Variants in BNC2 observed in about 807,000 individuals in gnomAD.
BNC2 encodes basonuclin zinc finger protein 2.
Under a neutral mutation model 76.3 loss-of-function variants are expected in BNC2, and 20 were observed. The ratio of observed to expected loss-of-function variants is 0.26; its 90% CI spans 0.18 to 0.38. The LOEUF (loss-of-function observed/expected upper bound fraction) is 0.38, where lower values mean the gene tolerates loss of function less well. Among genes scored for constraint, BNC2 ranks in the 10% least tolerant of loss-of-function variants. The pLI, the probability that BNC2 is intolerant of heterozygous loss-of-function variation, is 1.00. For synonymous variants in BNC2, 582 were observed against 514.8 expected (o/e 1.13, Z -1.77); for missense variants, 1,382 against 1,399.8 (o/e 0.99, Z 0.20).
At chr9:16,640,418 CAT>C (rs1474446510) in intron 3 of BNC2, among the ~76,000 whole-genome samples, 1 of 152,182 alleles carries the variant, frequency 6.6e-6, no homozygotes, top group African/African-American at 2.4e-5. Flanking sequence ...TAACAAAACA[CAT>C]GAGGGATAAA....
At chr9:16,636,864 G>T (rs1163519750) in intron 3 of BNC2, among the ~76,000 whole-genome samples, 1 of 152,052 alleles carries the variant, frequency 6.6e-6, no homozygotes, top group East Asian at 1.9e-4. Flanking sequence ...TAAACTAGAA[G>T]AGTGTTCATG....
chr9:16,722,765 A>G (rs141004524), intron 3 of BNC2, among the ~76,000 whole-genome samples: 2 of 152,338 alleles, frequency 1.3e-5, no homozygotes, highest in East Asian at 3.9e-4. Flanking sequence ...TACTTGCGTT[A>G]ACGTTTACAT....
chr9:16,813,455 C>T (rs1352366217), intron 1 of BNC2, among the ~76,000 whole-genome samples: 5 of 151,924 alleles, frequency 3.3e-5, no homozygotes, highest in African/African-American at 7.2e-5. Context: ...TTAGTAGAGA[C>T]GGGGTTTCAC....
chr9:16,434,047 G>A (rs1420179716), intron 6 of BNC2, among the ~76,000 whole-genome samples: 2 of 152,010 alleles, frequency 1.3e-5, no homozygotes, highest in Non-Finnish European at 2.9e-5. Context: ...TGATAACTTG[G>A]AACTGAAATA....
chr9:16,667,796 C>G lies in BNC2; in HGVS notation c.330+60001G>C, dbSNP rs184135523. Among the ~76,000 whole-genome samples, 494 of 152,144 alleles carry G rather than the reference C, an allele frequency of 3.2e-3. 2 individuals are homozygous for G. Among genetic ancestry groups the G allele is most frequent in the African/African-American group, 0.011 (469 of 41,498 alleles). ...TATGTATGGGGCACTATGCTGGATACAAGGATATACAAAGATCAACACAAC... is the reference window on the plus strand; with the variant it reads ...TATGTATGGGGCACTATGCTGGATAGAAGGATATACAAAGATCAACACAAC... On this transcript the variant is annotated intron_variant, in intron 3 of 6. Coordinates refer to ENST00000380672, the MANE Select transcript of BNC2 (RefSeq NM_017637.6).
chr9:16,564,393 T>G (rs1819108881), intron 4 of BNC2, among the ~76,000 whole-genome samples: 1 of 152,164 alleles, frequency 6.6e-6, no homozygotes, highest in Admixed American at 6.5e-5. Flanking sequence ...AAACAGATGC[T>G]TGTAGTAAAG....
chr9:16,564,013 G>GTTC (rs2132719116), intron 4 of BNC2, among the ~76,000 whole-genome samples: 1 of 149,794 alleles, frequency 6.7e-6, no homozygotes, highest in African/African-American at 2.5e-5. Flanking sequence ...CATGCATGTT[G>GTTC]AGTGATAAAA....
intron 5 of BNC2, 22 bp downstream of exon 5, chr9:16,552,508 G>A (rs375695661): frequency 5.2e-5 from 84 of 1,606,642 alleles, no homozygotes; most frequent in South Asian, 2.2e-4. Flanking sequence ...GGACACGGGC[G>A]GCGTTCAAGT....
intron 5 of BNC2, among the ~76,000 whole-genome samples, chr9:16,451,442 A>C (rs1244627432): frequency 6.6e-6 from 1 of 152,144 alleles, no homozygotes; most frequent in African/African-American, 2.4e-5. Flanking sequence ...CAAACCTTTC[A>C]TGGCTCCCTA....
rs953365276 is a variant in BNC2, at chr9:16,417,703, T to A, written c.*1286A>T. On this transcript the variant is annotated 3_prime_UTR_variant, in exon 7 of 7. Transcript: ENST00000380672. ...CTTGGAAATGAGTGTTCGACTCTTTTACTGTATTCATCTTTGTTCCGTAGC... is the reference window on the plus strand; with the variant it reads ...CTTGGAAATGAGTGTTCGACTCTTTAACTGTATTCATCTTTGTTCCGTAGC... 6.6e-6 allele frequency: 1 copy of A among 152,670 alleles called. No individual in the cohort carries two copies. The highest frequency in any genetic ancestry group is 2.4e-5 in the African/African-American group (1 of 41,460). The allele number at this position is 152,670 out of a possible 1,614,324, so 9.5% of individuals were successfully genotyped here. A position where few individuals can be genotyped will look rare whatever the true frequency, so the allele number is the denominator to read the frequency against.
At chr9:16,503,221 C>T (rs370595594) in intron 5 of BNC2, among the ~76,000 whole-genome samples, 29 of 152,250 alleles carry the variant, frequency 1.9e-4, no homozygotes, top group African/African-American at 5.8e-4. Context: ...TGTCCCAAAA[C>T]GTTACAACAA....
chr9:16,419,773 T>C, intron 6 of BNC2, 124 bp from the exon 7 acceptor site: 1 of 693,594 alleles, frequency 1.4e-6, no homozygotes, highest in Non-Finnish European at 2.6e-6. Flanking sequence ...CACTTCTAAT[T>C]ACACCATTAT....
At chr9:16,741,742 G>A (rs901046695) in intron 1 of BNC2, among the ~76,000 whole-genome samples, 1 of 152,086 alleles carries the variant, frequency 6.6e-6, no homozygotes, top group Non-Finnish European at 1.5e-5. Context: ...TGGATCACCT[G>A]AGGTCAGGAG....
intron 5 of BNC2, among the ~76,000 whole-genome samples, chr9:16,460,524 G>A (rs1284753886): frequency 1.3e-5 from 2 of 152,068 alleles, no homozygotes; most frequent in East Asian, 3.9e-4. Context: ...TCAGGGGGTG[G>A]AGACACAAGA....
intron 5 of BNC2, among the ~76,000 whole-genome samples, chr9:16,517,037 G>A (rs1817463421): frequency 6.6e-6 from 1 of 152,184 alleles, no homozygotes; most frequent in African/African-American, 2.4e-5. Flanking sequence ...TCCAGACGAA[G>A]CCAAAAAGTT....
intron 5 of BNC2, among the ~76,000 whole-genome samples, chr9:16,448,541 C>T (rs964678793): frequency 2.0e-5 from 3 of 152,054 alleles, no homozygotes; most frequent in Non-Finnish European, 4.4e-5. Flanking sequence ...ACAAATGAAG[C>T]TGATTGAACA....
At chr9:16,730,698 C>G (rs1205402970) in intron 2 of BNC2, among the ~76,000 whole-genome samples, 1 of 151,950 alleles carries the variant, frequency 6.6e-6, no homozygotes, top group African/African-American at 2.4e-5. Flanking sequence ...CTGAGGTGGC[C>G]CTGGCTGAAA....
intron 3 of BNC2, among the ~76,000 whole-genome samples, chr9:16,664,269 G>A (rs1822200839): frequency 6.6e-6 from 1 of 152,130 alleles, no homozygotes; most frequent in Admixed American, 6.6e-5. Flanking sequence ...TTCCACGCCA[G>A]TCCTTCCCTG....
chr9:16,643,578 C>T (rs1020037450), intron 3 of BNC2, among the ~76,000 whole-genome samples: 2 of 152,052 alleles, frequency 1.3e-5, no homozygotes, highest in African/African-American at 4.8e-5. Context: ...ATCTTAGGAG[C>T]TGCACCATAT....
Sources: allele counts gnomAD v4.1 joint callset (sites outside exome capture counted in the v4.1 genomes callset), GRCh38; gene constraint gnomAD v4.1.1; transcripts MANE v1.5; gene names NCBI Gene and HGNC (gene_info 2026-07-23, HGNC 2026-07-21).